LNPK: variants seen among roughly 807,000 people sequenced by gnomAD.
LNPK encodes the protein endoplasmic reticulum junction formation protein lunapark.
A neutral mutation model predicts 55.2 loss-of-function variants in LNPK; 29 were observed. The observed-to-expected ratio is 0.53, with a 90% CI of 0.39 to 0.72. The LOEUF (loss-of-function observed/expected upper bound fraction) is 0.72, where lower values mean the gene tolerates loss of function less well. LNPK is among the 30% of genes least tolerant of loss of function. The probability of loss-of-function intolerance (pLI) is 0.00; values close to 1 mark genes in which losing one functional copy is unlikely to be tolerated. For missense variants in LNPK, 467 were observed against 494.8 expected, an observed-to-expected ratio of 0.94 and a Z score of 0.53; for synonymous variants, 162 against 168.2, an observed-to-expected ratio of 0.96 and a Z score of 0.29.
chr2:175,982,555 T>C (rs1687223458), intron 4 of LNPK, among the ~76,000 whole-genome samples: 1 of 152,136 alleles, frequency 6.6e-6, no homozygotes, highest in Non-Finnish European at 1.5e-5. Context: ...ATGAAATTCT[T>C]TGGTATTTTT....
intron 1 of LNPK, among the ~76,000 whole-genome samples, chr2:175,995,995 T>A (rs1242469596): frequency 6.6e-6 from 1 of 151,860 alleles, no homozygotes; most frequent in Non-Finnish European, 1.5e-5. Context: ...GTATTCTTGG[T>A]AGAGACGGGG....
intron 4 of LNPK, among the ~76,000 whole-genome samples, chr2:175,986,429 A>G (rs899809340): frequency 2.0e-5 from 3 of 152,128 alleles, no homozygotes; most frequent in Non-Finnish European, 4.4e-5. Flanking sequence ...AAAAAACATC[A>G]TATCTTGAAA....
intron 12 of LNPK, among the ~76,000 whole-genome samples, chr2:175,934,565 C>CA (rs550377608): frequency 2.0e-5 from 3 of 151,882 alleles, no homozygotes; most frequent in East Asian, 3.9e-4. Context: ...ACATGCTAGC[C>CA]AAAAAATCAC....
chr2:175,987,991 T>A (rs995557478), intron 4 of LNPK, among the ~76,000 whole-genome samples: 1 of 152,156 alleles, frequency 6.6e-6, no homozygotes, highest in Non-Finnish European at 1.5e-5. Flanking sequence ...TAGCAGAATA[T>A]CTCAATTCAA....
At chr2:176,000,658 T>C (rs749619944) in intron 1 of LNPK, among the ~76,000 whole-genome samples, 26 of 152,332 alleles carry the variant, frequency 1.7e-4, no homozygotes, top group Non-Finnish European at 3.1e-4. Flanking sequence ...GGAAGTTCTA[T>C]GTTTATCAAA....
intron 4 of LNPK, among the ~76,000 whole-genome samples, chr2:175,988,515 A>G (rs1166672089): frequency 7.9e-6 from 1 of 127,264 alleles, no homozygotes; most frequent in African/African-American, 2.9e-5. Context: ...CTGTCTCCAA[A>G]AAAAAAAAAA....
intron 4 of LNPK, among the ~76,000 whole-genome samples, chr2:175,987,182 C>G (rs2105704979): frequency 6.6e-6 from 1 of 152,100 alleles, no homozygotes; most frequent in South Asian, 2.1e-4. Context: ...GGTATATACC[C>G]AAAGGATTGT....
intron 12 of LNPK, among the ~76,000 whole-genome samples, chr2:175,936,128 T>C (rs1411345656): frequency 3.9e-5 from 6 of 152,246 alleles, no homozygotes; most frequent in South Asian, 2.1e-4. Context: ...AAGAAAAAAA[T>C]TGACATTTTG....
rs1164340658 is a variant in LNPK at position 175,925,236 on chromosome 2, AAT to A, written c.*4729_*4730del. On this transcript the variant is annotated 3_prime_UTR_variant, in exon 13 of 13. Transcript: ENST00000272748. ...TAGTGACTGTGTGTCTAATGCATAA[AAT>A]GAGTTTGTATGAGAAATAGCAACTT... is the stretch of plus-strand genomic sequence containing the variant. The A allele has an allele frequency of 2.0e-5, 3 of 152,158 alleles. No individual in the cohort carries two copies. The highest frequency in any genetic ancestry group is 7.2e-5 in the African/African-American group (3 of 41,434). 9.4% of individuals were successfully genotyped at this position (152,158 alleles called of 1,614,324 possible).
At chr2:175,944,369 A>G (rs1054493636) in intron 9 of LNPK, among the ~76,000 whole-genome samples, 11 of 152,060 alleles carry the variant, frequency 7.2e-5, no homozygotes, top group Non-Finnish European at 1.2e-4. Flanking sequence ...AATAACACAT[A>G]AAATTTAGTT....
chr2:175,979,674 TC>T, intron 5 of LNPK, 135 bp downstream of exon 5: 1 of 653,260 alleles, frequency 1.5e-6, no homozygotes, highest in Non-Finnish European at 2.3e-6. Flanking sequence ...ATAACCTTTC[TC>T]ATGCTTTATA....
At chr2:175,956,786 T>C (rs147869514) in intron 8 of LNPK, among the ~76,000 whole-genome samples, 4 of 152,160 alleles carry the variant, frequency 2.6e-5, no homozygotes, top group African/African-American at 9.7e-5. Context: ...ATTGTGATAA[T>C]GGCTCGCCTA....
At position 175,964,385 on chromosome 2, in the gene LNPK, T is replaced by G. The variant is rs1686222522; in HGVS notation, c.480A>C (p.Ala160=). 1.9e-6 allele frequency: 3 copies of G among 1,613,310 alleles called. No individual in the cohort carries two copies. The highest frequency in any genetic ancestry group is 2.2e-5 in the East Asian group (1 of 44,866). ...EPPSAGAAVT[A]RPGQEIRQRT... The stretch of plus-strand genomic sequence containing the variant: ...TAAGTTATTTACCTTGTCCAGGTCT[T>G]GCAGTTACAGCTGCTCCAGCAGATG... The change falls in exon 8 of 13, where the codon GCA becomes GCC. Residue 160 remains alanine (A), a synonymous_variant. Transcript: ENST00000272748.
intron 5 of LNPK, among the ~76,000 whole-genome samples, chr2:175,972,384 C>CCAAAAAT (rs1686702184): frequency 6.6e-6 from 1 of 151,854 alleles, no homozygotes; most frequent in South Asian, 2.1e-4. Context: ...CATCTCAAAT[C>CCAAAAAT]CAAAAATCCA....
intron 5 of LNPK, among the ~76,000 whole-genome samples, chr2:175,978,923 G>A (rs1241713670): frequency 4.6e-5 from 7 of 152,080 alleles, no homozygotes; most frequent in Non-Finnish European, 1.5e-5. Context: ...GATCTAATGT[G>A]AGCAGAAGAG....
At chr2:175,963,003 A>T (rs1304900962) in intron 8 of LNPK, among the ~76,000 whole-genome samples, 1 of 148,764 alleles carries the variant, frequency 6.7e-6, no homozygotes, top group Non-Finnish European at 1.5e-5. Flanking sequence ...AACCACAATG[A>T]GATACCATCT....
At position 175,951,819 on chromosome 2, in the gene LNPK, C is replaced by A. The variant is rs1350720841; in HGVS notation, c.494-4127G>T. Among the ~76,000 whole-genome samples the A allele has an allele frequency of 2.0e-5, 3 of 151,932 alleles. No individual in the cohort carries two copies. The East Asian group carries it at 5.8e-4, about 29-fold the overall frequency. ...TTTAAGGAAATCTCCATACTGTTTT[C>A]CACAGTGGTTGTACTAGTTTACATT... On this transcript the variant is annotated intron_variant, in intron 8 of 12. Coordinates refer to ENST00000272748, the MANE Select transcript of LNPK (RefSeq NM_030650.3).
At chr2:175,976,834 TG>T (rs1686933978) in intron 5 of LNPK, among the ~76,000 whole-genome samples, 1 of 152,240 alleles carries the variant, frequency 6.6e-6, no homozygotes, top group African/African-American at 2.4e-5. Flanking sequence ...TTAGCCCTCC[TG>T]GGTCTCCAGC....
chr2:175,999,403 A>G (rs1688078188), intron 1 of LNPK, among the ~76,000 whole-genome samples: 1 of 152,210 alleles, frequency 6.6e-6, no homozygotes, highest in South Asian at 2.1e-4. Context: ...GGGATAGTTA[A>G]GGACCCCCTT....
Sources: gnomAD v4.1 joint callset for allele counts (sites outside exome capture counted in the v4.1 genomes callset) on GRCh38, gnomAD v4.1.1 for gene constraint, MANE v1.5 for transcripts, NCBI Gene and HGNC (gene_info 2026-07-23, HGNC 2026-07-21) for gene names.